TAF3: variants seen among roughly 807,000 people sequenced by gnomAD.
The protein encoded by TAF3 is TATA-box binding protein associated factor 3.
A neutral mutation model predicts 80.6 loss-of-function variants in TAF3; 7 were observed. The ratio of observed to expected loss-of-function variants is 0.09; its 90% CI spans 0.05 to 0.16. The LOEUF is 0.16. TAF3 is among the 10% of genes least tolerant of loss of function. The pLI is 1.00. For synonymous variants in TAF3, 444 were observed against 446.1 expected (o/e 1.00, Z 0.06); for missense variants, 921 against 1,140.2 (o/e 0.81, Z 2.77).
intron 1 of TAF3, among the ~76,000 whole-genome samples, chr10:7,823,712 G>A (rs1361858530): frequency 6.8e-6 from 1 of 147,634 alleles, no homozygotes; most frequent in African/African-American, 2.5e-5. Flanking sequence ...TCGGCTCACT[G>A]CAACCTCCGC....
At chr10:7,956,171 C>T (rs1838133266) in intron 2 of TAF3, among the ~76,000 whole-genome samples, 2 of 152,036 alleles carry the variant, frequency 1.3e-5, no homozygotes, top group South Asian at 2.1e-4. Flanking sequence ...AACTTTTCTA[C>T]GTTTGAAATT....
At chr10:7,839,569 A>G (rs2131113249) in intron 2 of TAF3, among the ~76,000 whole-genome samples, 1 of 152,328 alleles carries the variant, frequency 6.6e-6, no homozygotes, top group East Asian at 1.9e-4. Flanking sequence ...TCTTGGCCCC[A>G]TCTTCTGTGT....
chr10:7,825,499 C>A (rs1836730838), intron 2 of TAF3, among the ~76,000 whole-genome samples: 1 of 152,204 alleles, frequency 6.6e-6, no homozygotes, highest in East Asian at 1.9e-4. Flanking sequence ...CCATTCTCCA[C>A]CACTTCCAGC....
intron 4 of TAF3, among the ~76,000 whole-genome samples, chr10:7,981,594 T>C (rs564423372): frequency 1.4e-4 from 22 of 152,358 alleles, no homozygotes; most frequent in South Asian, 8.3e-4. Context: ...TTTTTCAAAA[T>C]ATACAAATTA....
chr10:7,965,501 C>G lies in TAF3; in HGVS notation c.1991C>G (p.Pro664Arg), dbSNP rs371468674. The G allele has an allele frequency of 1.9e-6, 3 of 1,605,036 alleles. No individual in the cohort carries two copies. The highest frequency in any genetic ancestry group is 2.5e-6 in the Non-Finnish European group (3 of 1,177,858). ...LVLPPKELAL[P>R]LFSPATASRV... ...TTGCCCCCAAAAGAGTTGGCCCTGCCCTTGTTCAGCCCTGCCACAGCCTCC... is the reference window on the plus strand; with the variant it reads ...TTGCCCCCAAAAGAGTTGGCCCTGCGCTTGTTCAGCCCTGCCACAGCCTCC... Residue 664 changes from proline (P) to arginine (R), a missense_variant, in exon 3 of 7, where the codon CCC becomes CGC. Pro to Arg is a moderately radical substitution (Grantham distance 103). Transcript: ENST00000344293.
At chr10:7,833,071 T>G (rs1047368595) in intron 2 of TAF3, among the ~76,000 whole-genome samples, 1 of 152,220 alleles carries the variant, frequency 6.6e-6, no homozygotes, top group Non-Finnish European at 1.5e-5. Context: ...TATTCTGTGG[T>G]GTATATATAT....
intron 4 of TAF3, among the ~76,000 whole-genome samples, chr10:7,981,291 G>C (rs894871038): frequency 3.9e-5 from 6 of 151,982 alleles, no homozygotes; most frequent in Non-Finnish European, 7.4e-5. Flanking sequence ...CCTTGCCCTC[G>C]GGCAGTGGGT....
At chr10:7,994,001 T>C (rs2131430052) in intron 4 of TAF3, among the ~76,000 whole-genome samples, 1 of 150,692 alleles carries the variant, frequency 6.6e-6, no homozygotes, top group Non-Finnish European at 1.5e-5. Context: ...TCTGTCTCTC[T>C]CTGTCTCTTT....
At chr10:7,819,984 A>T (rs976728371) in intron 1 of TAF3, among the ~76,000 whole-genome samples, 2 of 152,208 alleles carry the variant, frequency 1.3e-5, no homozygotes, top group African/African-American at 2.4e-5. Flanking sequence ...CAGGCTAAAA[A>T]TCGAAACTCT....
intron 2 of TAF3, among the ~76,000 whole-genome samples, chr10:7,960,562 G>A (rs529156399): frequency 2.0e-5 from 3 of 152,242 alleles, no homozygotes; most frequent in African/African-American, 7.2e-5. Context: ...TTTCAGGCAC[G>A]GGGAATCGCA....
At chr10:7,841,759 T>C (rs1415072478) in intron 2 of TAF3, among the ~76,000 whole-genome samples, 2 of 152,160 alleles carry the variant, frequency 1.3e-5, no homozygotes, top group Non-Finnish European at 2.9e-5. Flanking sequence ...GCTTGGGAGA[T>C]TGGCTAGGTA....
intron 4 of TAF3, among the ~76,000 whole-genome samples, chr10:7,981,451 C>A (rs1327209280): frequency 6.6e-6 from 1 of 152,196 alleles, no homozygotes; most frequent in East Asian, 1.9e-4. Context: ...TAATAAATAT[C>A]TCATAATATA....
At chr10:7,827,008 G>C (rs1030655932) in intron 2 of TAF3, among the ~76,000 whole-genome samples, 1 of 152,090 alleles carries the variant, frequency 6.6e-6, no homozygotes, top group Non-Finnish European at 1.5e-5. Context: ...CCAGACTTTG[G>C]TCTTAAAATA....
intron 4 of TAF3, among the ~76,000 whole-genome samples, chr10:8,003,945 T>C (rs575635533): frequency 6.6e-5 from 10 of 152,176 alleles, no homozygotes; most frequent in Non-Finnish European, 1.5e-4. Flanking sequence ...AATATAGTTA[T>C]TTTCATAAAA....
At chr10:7,860,325 T>G (rs954602984) in intron 2 of TAF3, among the ~76,000 whole-genome samples, 1 of 151,982 alleles carries the variant, frequency 6.6e-6, no homozygotes, top group African/African-American at 2.4e-5. Context: ...AATGAATTAT[T>G]AAGCGTTTGA....
At chr10:7,907,390 C>T (rs1389085528) in intron 2 of TAF3, among the ~76,000 whole-genome samples, 1 of 152,038 alleles carries the variant, frequency 6.6e-6, no homozygotes, top group Non-Finnish European at 1.5e-5. Context: ...AACAAATGGG[C>T]ATTTAGATTT....
chr10:7,963,231 C>T (rs1831527724), intron 2 of TAF3, among the ~76,000 whole-genome samples: 1 of 152,168 alleles, frequency 6.6e-6, no homozygotes, highest in Non-Finnish European at 1.5e-5. Context: ...CATACTAAGT[C>T]CTATAATAAT....
intron 2 of TAF3, among the ~76,000 whole-genome samples, chr10:7,928,885 A>G (rs1837841180): frequency 6.6e-6 from 1 of 152,188 alleles, no homozygotes; most frequent in Non-Finnish European, 1.5e-5. Flanking sequence ...AGTAGGTTAC[A>G]CTGTGTAGTT....
chr10:7,836,825 A>G lies in TAF3; in HGVS notation c.409+12265A>G, dbSNP rs2131110153. Among the ~76,000 whole-genome samples, 2 of 152,372 alleles carry G rather than the reference A, an allele frequency of 1.3e-5. 1 individual carries two copies. The highest frequency in any genetic ancestry group is 4.1e-4 in the South Asian group (2 of 4,830). On this transcript the variant is annotated intron_variant, in intron 2 of 6. Coordinates refer to ENST00000344293, the MANE Select transcript of TAF3 (RefSeq NM_031923.4). The stretch of plus-strand genomic sequence containing the variant: ...TCCTTATCCTCTAAACGAAACTATT[A>G]GACAAAAAATTAACACATCCCACAT...
Sources: allele counts gnomAD v4.1 joint callset (sites outside exome capture counted in the v4.1 genomes callset), GRCh38; gene constraint gnomAD v4.1.1; transcripts MANE v1.5; gene names NCBI Gene and HGNC (gene_info 2026-07-23, HGNC 2026-07-21).